ETV7: variants seen among roughly 807,000 people sequenced by gnomAD.
ETV7 encodes transcription factor ETV7.
In ETV7, 43 loss-of-function variants were observed where a neutral mutation model predicts 39.1. That is an observed-to-expected ratio of 1.10 (90% CI 0.86 to 1.42). ETV7 has a LOEUF of 1.42. Ranked by LOEUF, ETV7 falls within the 40% of genes most tolerant of loss-of-function variation. The pLI, the probability that ETV7 is intolerant of heterozygous loss-of-function variation, is 0.00. For missense variants in ETV7, 432 were observed against 442.3 expected (o/e 0.98, Z 0.21); for synonymous variants, 196 against 176.6 (o/e 1.11, Z -0.87).
intron 2 of ETV7, among the ~76,000 whole-genome samples, chr6:36,380,068 G>C (rs980041157): frequency 4.6e-5 from 7 of 152,110 alleles, no homozygotes; most frequent in African/African-American, 1.7e-4. Flanking sequence ...CCATTTAAAA[G>C]CAGCATCTGG....
At chr6:36,382,127 T>C (rs1056395723) in intron 2 of ETV7, among the ~76,000 whole-genome samples, 3 of 152,150 alleles carry the variant, frequency 2.0e-5, no homozygotes. Flanking sequence ...CTGCTTCTCA[T>C]AGGCCATGAT....
intron 7 of ETV7, among the ~76,000 whole-genome samples, chr6:36,360,641 G>A (rs1401859484): frequency 6.6e-6 from 1 of 152,230 alleles, no homozygotes; most frequent in East Asian, 1.9e-4. Flanking sequence ...GCCACCGCCC[G>A]GCCCCACACT....
At chr6:36,360,458 T>A (rs1330768445) in intron 7 of ETV7, among the ~76,000 whole-genome samples, 2 of 152,002 alleles carry the variant, frequency 1.3e-5, no homozygotes, top group East Asian at 3.9e-4. Context: ...ATGGTGCCCC[T>A]CAATTCCACC....
At chr6:36,381,285 T>A (rs1477544572) in intron 2 of ETV7, among the ~76,000 whole-genome samples, 1 of 152,214 alleles carries the variant, frequency 6.6e-6, no homozygotes, top group Non-Finnish European at 1.5e-5. Flanking sequence ...GTCTGAGGGA[T>A]GCCGGTTCAA....
At chr6:36,381,916 G>A (rs899232110) in intron 2 of ETV7, among the ~76,000 whole-genome samples, 2 of 152,104 alleles carry the variant, frequency 1.3e-5, no homozygotes, top group African/African-American at 4.8e-5. Context: ...GGAGGGGAGA[G>A]GTTCTTTATC....
chr6:36,366,973 G>A lies in ETV7; in HGVS notation c.810C>T (p.Asn270=). The stretch of plus-strand genomic sequence containing the variant: ...TCTTCTCGTAGGTCATGTTCACCCG[G>A]TTCTGGAAAGCAAAGCAGCCCCACA... ...GLARLWGNHK[N]RVNMTYEKMS... The change falls in exon 7 of 8, where the codon AAC becomes AAT. Residue 270 remains asparagine (N), a splice_region_variant and synonymous_variant. Transcript: ENST00000340181. 1 of 1,613,844 alleles carries A rather than the reference G, an allele frequency of 6.2e-7. No homozygotes were observed. The highest frequency in any genetic ancestry group is 8.5e-7 in the Non-Finnish European group (1 of 1,179,866).
chr6:36,380,832 C>A (rs1257276418), intron 2 of ETV7, among the ~76,000 whole-genome samples: 2 of 152,172 alleles, frequency 1.3e-5, no homozygotes, highest in African/African-American at 4.8e-5. Flanking sequence ...TGTGGGGTCA[C>A]CCCCAGGGCC....
downstream of ETV7, among the ~76,000 whole-genome samples, chr6:36,365,282 G>GAGAA (rs1430566791): frequency 2.0e-5 from 3 of 152,252 alleles, no homozygotes; most frequent in African/African-American, 7.2e-5. Flanking sequence ...GGCACAGAGG[G>GAGAA]AGAAGCTGAC....
chr6:36,375,002 G>T (rs371030861), intron 3 of ETV7, among the ~76,000 whole-genome samples: 2 of 150,826 alleles, frequency 1.3e-5, no homozygotes, highest in African/African-American at 4.9e-5. Flanking sequence ...CTGGGAGGCA[G>T]AGGTTGCAGT....
Position 36,368,990 on chromosome 6 carries a change from T to C in ETV7, c.746A>G (p.Asp249Gly). The change falls in exon 6 of 8, where the codon GAC becomes GGC. Residue 249 changes from aspartate (D) to glycine (G), a missense_variant. By Grantham distance (94) the Asp-to-Gly change is moderately conservative. Coordinates refer to ENST00000340181, the MANE Select transcript of ETV7 (RefSeq NM_016135.4). ...ATCCACAACTCGGAAGATCTTGGCG[T>C]CCTTGTCTTCCCACTTGATGTAGGG... ...YEPYIKWEDK[D>G]AKIFRVVDPN... The C allele has an allele frequency of 1.2e-6, 2 of 1,614,132 alleles. No homozygotes were observed. The highest frequency in any genetic ancestry group is 1.7e-6 in the Non-Finnish European group (2 of 1,180,028).
chr6:36,369,211 A>G (rs1227962656), intron 5 of ETV7, 140 bp from the exon 6 acceptor site: 2 of 903,998 alleles, frequency 2.2e-6, no homozygotes, highest in Non-Finnish European at 1.7e-6. Context: ...ATATCAACAG[A>G]AACAGCCACT....
intron 2 of ETV7, among the ~76,000 whole-genome samples, chr6:36,379,993 AC>A (rs1026069592): frequency 1.8e-4 from 27 of 152,242 alleles, no homozygotes; most frequent in Admixed American, 1.4e-3. Flanking sequence ...CATCAGTGAA[AC>A]CAAGGATGAT....
At chr6:36,379,560 A>AAAG (rs145420270) in intron 2 of ETV7, among the ~76,000 whole-genome samples, 1,962 of 143,834 alleles carry the variant, frequency 0.014, 34 homozygotes, top group African/African-American at 0.041. Context: ...AAAAAAAAAA[A>AAAG]AAGAAGAAGA....
chr6:36,363,349 AG>A (rs1255466829), downstream of ETV7, among the ~76,000 whole-genome samples: 25 of 152,176 alleles, frequency 1.6e-4, no homozygotes, highest in Middle Eastern at 6.8e-3. Context: ...ACAGCCCTTA[AG>A]GCACCGCGTC....
At chr6:36,358,919 A>T (rs1292231127) in intron 7 of ETV7, among the ~76,000 whole-genome samples, 2 of 152,144 alleles carry the variant, frequency 1.3e-5, no homozygotes, top group Non-Finnish European at 2.9e-5. Context: ...TTGAGTTAGG[A>T]TGTTTAGATG....
In ETV7 at chr6:36,373,509, A is replaced by T. The variant is rs1461866509; in HGVS notation, c.377T>A (p.Phe126Tyr). 6.4e-7 allele frequency: 1 copy of T among 1,572,494 alleles called. No homozygotes were observed. Residue 126 changes from phenylalanine (F) to tyrosine (Y), a missense_variant, in exon 4 of 8, where the codon TTT becomes TAT. Physicochemically the swap from Phe to Tyr is conservative, Grantham distance 22. Coordinates refer to ENST00000340181, the MANE Select transcript of ETV7 (RefSeq NM_016135.4). ...QRRALVCGPF[F>Y]GGIFRLKTPT... ...CGTCTTCAGCCTGAAGATCCCTCCAAAAAAGGGCCCACACACCAGGGCTCG... is the reference window on the plus strand; with the variant it reads ...CGTCTTCAGCCTGAAGATCCCTCCATAAAAGGGCCCACACACCAGGGCTCG...
downstream of ETV7, among the ~76,000 whole-genome samples, chr6:36,363,749 A>G (rs1384702725): frequency 6.8e-6 from 1 of 146,582 alleles, no homozygotes. Context: ...CCTGAGCTAG[A>G]CACAAAGGTT....
Position 36,375,954 on chromosome 6 carries a change from G to T in ETV7, c.224C>A (p.Thr75Asn), listed in dbSNP as rs753558167. 9 of 1,613,572 alleles carry T rather than the reference G, an allele frequency of 5.6e-6. No individual in the cohort carries two copies. The African/African-American group carries it at 9.3e-5, about 17-fold the overall frequency. ...WAEQEYSLPC[T>N]AEHGFEMNGR... is the part of the protein sequence containing the mutation. The stretch of plus-strand genomic sequence containing the variant: ...GTTCATCTCGAACCCGTGCTCCGCG[G>T]TGCATGGCAGAGAGTACTCCTGCTC... The change falls in exon 3 of 8, where the codon ACC (threonine) becomes AAC (asparagine). Residue 75 changes from threonine to asparagine, a missense_variant. By Grantham distance (65) the Thr-to-Asn change is moderately conservative (BLOSUM62 0). Transcript: ENST00000340181.
chr6:36,373,207 A>C (rs1773121399), intron 4 of ETV7, among the ~76,000 whole-genome samples: 1 of 151,902 alleles, frequency 6.6e-6, no homozygotes, highest in African/African-American at 2.4e-5. Flanking sequence ...GCAGAGAGGA[A>C]ATTGAGACAT....
Sources: allele counts gnomAD v4.1 joint callset (sites outside exome capture counted in the v4.1 genomes callset), GRCh38; gene constraint gnomAD v4.1.1; transcripts MANE v1.5; gene names NCBI Gene and HGNC (gene_info 2026-07-23, HGNC 2026-07-21).